VWF: variants seen among roughly 807,000 people sequenced by gnomAD.
VWF encodes von Willebrand factor.
In VWF, 176 loss-of-function variants were observed where a neutral mutation model predicts 308.6. That is an observed-to-expected ratio of 0.57 (90% CI 0.50 to 0.65). The LOEUF is 0.65. Among genes scored for constraint, VWF ranks in the 30% least tolerant of loss-of-function variants. VWF has a pLI of 0.00. For missense variants in VWF, 3,146 were observed against 3,648.2 expected, an observed-to-expected ratio of 0.86 and a Z score of 3.55; for synonymous variants, 1,385 against 1,443.4, an observed-to-expected ratio of 0.96 and a Z score of 0.92.
chr12:6,061,092 T>C (rs997341664), intron 13 of VWF, among the ~76,000 whole-genome samples: 1 of 152,056 alleles, frequency 6.6e-6, no homozygotes, highest in African/African-American at 2.4e-5. Flanking sequence ...TCTCAGCTAC[T>C]CGGGAGGTTG....
intron 2 of VWF, among the ~76,000 whole-genome samples, chr12:6,121,824 G>A (rs1157763092): frequency 1.3e-5 from 2 of 151,140 alleles, no homozygotes; most frequent in Non-Finnish European, 3.0e-5. Context: ...CCAGCTACTG[G>A]TGAGGCTGAG....
intron 11 of VWF, 42 bp from the exon 12 acceptor site, chr12:6,064,426 C>T: frequency 6.2e-7 from 1 of 1,611,858 alleles, no homozygotes; most frequent in Non-Finnish European, 8.5e-7. Context: ...GCACCCCCTG[C>T]CTATCCAGCT....
chr12:6,032,640 A>T (rs1377384587), intron 20 of VWF, among the ~76,000 whole-genome samples: 1 of 151,940 alleles, frequency 6.6e-6, no homozygotes, highest in Admixed American at 6.5e-5. Context: ...TCTGTCTCAA[A>T]AAAAAAAAGA....
rs73266883 is a variant in VWF, at chr12:6,117,953, G to C, written c.220+3221C>G. 5.9e-3 allele frequency among the ~76,000 whole-genome samples: 904 copies of C among 152,324 alleles called. 10 individuals carry two copies. The highest frequency in any genetic ancestry group is 0.02 in the African/African-American group (827 of 41,566). On this transcript the variant is annotated intron_variant, in intron 3 of 51. Coordinates refer to ENST00000261405, the MANE Select transcript of VWF (RefSeq NM_000552.5). ...CTGTCTGTGCTTCCATTTCCTGCTG[G>C]GGGCAGAGCCACCCAGTTCTGTGGG... is the stretch of plus-strand genomic sequence containing the variant.
chr12:6,043,534 G>A (rs139860645), intron 18 of VWF, among the ~76,000 whole-genome samples: 20 of 137,258 alleles, frequency 1.5e-4, no homozygotes, highest in African/African-American at 6.0e-4. Flanking sequence ...AGAAACATCT[G>A]GAAGTTGCAT....
chr12:6,112,194 T>A (rs552731920), intron 3 of VWF, among the ~76,000 whole-genome samples: 1 of 152,124 alleles, frequency 6.6e-6, no homozygotes, highest in East Asian at 1.9e-4. Context: ...TCCAGACACA[T>A]GATAAAATAG....
chr12:6,044,296 C>G lies in VWF; in HGVS notation c.2437G>C (p.Gly813Arg). 1 of 1,614,042 alleles carries G rather than the reference C, an allele frequency of 6.2e-7. No individual in the cohort carries two copies. Among genetic ancestry groups the G allele is most frequent in the Non-Finnish European group, 8.5e-7 (1 of 1,179,994 alleles). The part of the protein sequence containing the change: ...GCVSGCLCPP[G>R]MVRHENRCVA... ...CTCTGTGCCTGGTGACTCACCATGC[C>G]CGGGGGGCAGAGGCAGCCAGAGACA... The change falls in exon 18 of 52, where the codon GGC becomes CGC. Residue 813 changes from glycine (G) to arginine (R), a missense_variant. Physicochemically the swap from Gly to Arg is moderately radical, Grantham distance 125 (BLOSUM62 -2). Transcript: ENST00000261405.
intron 3 of VWF, among the ~76,000 whole-genome samples, chr12:6,117,259 G>A (rs1408392731): frequency 6.6e-6 from 1 of 152,206 alleles, no homozygotes; most frequent in Non-Finnish European, 1.5e-5. Flanking sequence ...CCCACCAAGG[G>A]GTTTTGAGGT....
intron 16 of VWF, among the ~76,000 whole-genome samples, chr12:6,051,458 A>AT (rs1468281309): frequency 1.3e-5 from 2 of 151,794 alleles, no homozygotes; most frequent in Non-Finnish European, 2.9e-5. Flanking sequence ...CACCCAGCTA[A>AT]TTTTTTGTAT....
At chr12:5,966,257 T>C (rs1943402207) in intron 47 of VWF, among the ~76,000 whole-genome samples, 1 of 142,432 alleles carries the variant, frequency 7.0e-6, no homozygotes. Context: ...AGATGTGTTC[T>C]AGGAGGGTTG....
In VWF at chr12:6,056,993, G is replaced by C. The variant is rs1488240396; in HGVS notation, c.1809C>G (p.Pro603=). Residue 603 remains proline, a synonymous_variant, in exon 15 of 52, where the codon CCC becomes CCG. Coordinates refer to ENST00000261405, the MANE Select transcript of VWF (RefSeq NM_000552.5). ...EACHRAVSPL[P]YLRNCRYDVC... ...CGTCGTAGCGGCAGTTCCGCAGGTA[G>C]GGCAGCGGGCTGACGGCACGATGGC... 6.5e-7 allele frequency: 1 copy of C among 1,546,556 alleles called. No individual in the cohort carries two copies. The highest frequency in any genetic ancestry group is 8.7e-7 in the Non-Finnish European group (1 of 1,150,894).
chr12:6,011,509 G>C lies in VWF; in HGVS notation c.5842+108C>G, dbSNP rs1029310833. 2.9e-5 allele frequency: 27 copies of C among 941,178 alleles called. No individual in the cohort carries two copies. In the African/African-American group the frequency reaches 3.6e-4, roughly 13 times the overall value. The allele number at this position is 941,178 out of a possible 1,614,324, so 58.3% of individuals were successfully genotyped here. On this transcript the variant is annotated intron_variant, in intron 34 of 51. Coordinates refer to ENST00000261405, the MANE Select transcript of VWF (RefSeq NM_000552.5). ...GTAGCACTGTGCATGTGGTGATGAG[G>C]GAAAGGGTACTTCTGGGCTGGTGGG...
intron 45 of VWF, among the ~76,000 whole-genome samples, chr12:5,968,396 A>G (rs1477540920): frequency 6.6e-6 from 1 of 152,130 alleles, no homozygotes; most frequent in African/African-American, 2.4e-5. Context: ...TACGTTCTCC[A>G]AGTGACAGCG....
At chr12:6,042,849 C>T (rs1308727003) in intron 18 of VWF, among the ~76,000 whole-genome samples, 12 of 152,152 alleles carry the variant, frequency 7.9e-5, no homozygotes, top group Non-Finnish European at 1.3e-4. Context: ...AAAGCATATC[C>T]GATGCTGACA....
intron 5 of VWF, among the ~76,000 whole-genome samples, chr12:6,100,567 A>G (rs932974731): frequency 2.6e-5 from 4 of 151,968 alleles, no homozygotes; most frequent in African/African-American, 4.8e-5. Context: ...CAGCCATAAA[A>G]AAGGATGAGT....
intron 34 of VWF, among the ~76,000 whole-genome samples, chr12:6,006,306 A>G (rs1033219973): frequency 6.6e-6 from 1 of 152,180 alleles, no homozygotes; most frequent in African/African-American, 2.4e-5. Context: ...AAAAAAATCA[A>G]TGAAACACAA....
intron 3 of VWF, among the ~76,000 whole-genome samples, chr12:6,117,168 T>C (rs1945376901): frequency 2.0e-5 from 3 of 152,232 alleles, no homozygotes; most frequent in Admixed American, 2.0e-4. Flanking sequence ...TAACCTTGTT[T>C]AGGCAAACAA....
chr12:5,985,427 A>T, intron 39 of VWF, 136 bp downstream of exon 39: 1 of 1,000,556 alleles, frequency 1.0e-6, no homozygotes, highest in Non-Finnish European at 1.5e-6. Context: ...CAGGCTGGGC[A>T]AGGAAGCCCA....
chr12:5,995,914 C>G, intron 35 of VWF, 88 bp downstream of exon 35: 11 of 1,259,318 alleles, frequency 8.7e-6, no homozygotes, highest in Admixed American at 3.9e-5. Context: ...CTAACAAGAG[C>G]ATCAACTAAA....
Sources: allele counts gnomAD v4.1 joint callset (sites outside exome capture counted in the v4.1 genomes callset), GRCh38; gene constraint gnomAD v4.1.1; transcripts MANE v1.5; gene names NCBI Gene and HGNC (gene_info 2026-07-23, HGNC 2026-07-21).